Variants in COPS4 observed in about 807,000 individuals in gnomAD.
COPS4 encodes COP9 signalosome complex subunit 4.
Under a neutral mutation model 55.1 loss-of-function variants are expected in COPS4, and 8 were observed. That is an observed-to-expected ratio of 0.15 (90% confidence interval 0.09 to 0.26). The LOEUF is 0.26. COPS4 is among the 10% of genes least tolerant of loss of function. The pLI is 1.00. For synonymous variants in COPS4, 185 were observed against 165.7 expected (o/e 1.12, Z -0.90); for missense variants, 248 against 484.0 (o/e 0.51, Z 4.58).
intron 4 of COPS4, among the ~76,000 whole-genome samples, chr4:83,054,385 G>C (rs1730964625): frequency 6.6e-6 from 1 of 151,786 alleles, no homozygotes. Flanking sequence ...AACTTCATCT[G>C]CTTTTCTACT....
chr4:83,047,972 G>A (rs1165808790), intron 2 of COPS4, among the ~76,000 whole-genome samples: 2 of 150,398 alleles, frequency 1.3e-5, no homozygotes, highest in Non-Finnish European at 2.9e-5. Context: ...CTGCACTCCA[G>A]CCTGGGCGAC....
chr4:83,060,287 C>T (rs1731132462), intron 6 of COPS4, among the ~76,000 whole-genome samples: 1 of 148,934 alleles, frequency 6.7e-6, no homozygotes, highest in African/African-American at 2.5e-5. Flanking sequence ...GGGTTCACGC[C>T]ATTCTCCTGC....
intron 2 of COPS4, among the ~76,000 whole-genome samples, chr4:83,047,966 A>T (rs1321885408): frequency 6.6e-6 from 1 of 151,434 alleles, no homozygotes. Context: ...GTGCCACTGC[A>T]CTCCAGCCTG....
At chr4:83,050,186 T>A (rs28391784) in intron 4 of COPS4, among the ~76,000 whole-genome samples, 1 of 151,912 alleles carries the variant, frequency 6.6e-6, no homozygotes. Flanking sequence ...AATAGGGTGA[T>A]TGGGGTAGTA....
chr4:83,066,093 A>G (rs939601413), intron 7 of COPS4, among the ~76,000 whole-genome samples: 2 of 152,222 alleles, frequency 1.3e-5, no homozygotes, highest in African/African-American at 2.4e-5. Flanking sequence ...CGGAGGTTGC[A>G]GTGAGCAGAG....
chr4:83,059,550 T>C (rs1043107196), intron 6 of COPS4, among the ~76,000 whole-genome samples: 4 of 152,202 alleles, frequency 2.6e-5, no homozygotes, highest in African/African-American at 9.7e-5. Flanking sequence ...CCATTACATA[T>C]AAACATAAAT....
At chr4:83,035,382 T>G in intron 1 of COPS4, 84 bp downstream of exon 1, 2 of 1,193,550 alleles carry the variant, frequency 1.7e-6, no homozygotes, top group Non-Finnish European at 2.3e-6. Flanking sequence ...CCACGGCTCT[T>G]GGGCGTGAAG....
chr4:83,057,692 G>A (rs546478006), intron 6 of COPS4, among the ~76,000 whole-genome samples: 1 of 152,228 alleles, frequency 6.6e-6, no homozygotes, highest in East Asian at 1.9e-4. Flanking sequence ...GGAGGCCGAG[G>A]CGGGTGGATC....
chr4:83,071,881 T>G (rs1022662239), intron 9 of COPS4, among the ~76,000 whole-genome samples: 10 of 149,380 alleles, frequency 6.7e-5, no homozygotes, highest in African/African-American at 2.5e-4. Context: ...CCAGCTAATT[T>G]TTTGTATTTT....
intron 6 of COPS4, among the ~76,000 whole-genome samples, chr4:83,057,784 T>G (rs1338518972): frequency 1.3e-5 from 2 of 151,200 alleles, no homozygotes; most frequent in African/African-American, 4.9e-5. Flanking sequence ...TAGCCGGGCG[T>G]GGTGGCAGGC....
chr4:83,055,179 A>T (rs1368404298), intron 4 of COPS4, among the ~76,000 whole-genome samples: 2 of 152,096 alleles, frequency 1.3e-5, no homozygotes, highest in Non-Finnish European at 2.9e-5. Context: ...AATAGGATTA[A>T]TTTTTCTGTT....
At chr4:83,054,991 TTG>T (rs1310333657) in intron 4 of COPS4, among the ~76,000 whole-genome samples, 1 of 152,206 alleles carries the variant, frequency 6.6e-6, no homozygotes, top group Non-Finnish European at 1.5e-5. Context: ...TAAATTTGAA[TTG>T]TGAATGGAAA....
chr4:83,049,426 A>T (rs994852618), intron 3 of COPS4, 109 bp downstream of exon 3: 5 of 1,017,982 alleles, frequency 4.9e-6, no homozygotes, highest in Non-Finnish European at 6.9e-6. Context: ...CATTTTTGAC[A>T]AAACAGTGTG....
chr4:83,058,941 T>TA (rs1037595792), intron 6 of COPS4, among the ~76,000 whole-genome samples: 1 of 152,254 alleles, frequency 6.6e-6, no homozygotes, highest in African/African-American at 2.4e-5. Context: ...CCTGATTTCT[T>TA]ACACAGGTAT....
rs1364313815 is a variant in COPS4 at position 83,043,129 on chromosome 4, A to G, written c.75-2497A>G. On this transcript the variant is annotated intron_variant, in intron 1 of 9. Coordinates refer to ENST00000264389, the MANE Select transcript of COPS4 (RefSeq NM_016129.3). ...CTATAAGTTATATAATTTGATGAGT[A>G]TAAAACTTTGATCACTTTTTAGGTT... Among the ~76,000 whole-genome samples, 7 of 152,292 alleles carry G rather than the reference A, an allele frequency of 4.6e-5. No homozygotes were observed. The East Asian group carries it at 1.2e-3, about 25-fold the overall frequency.
At chr4:83,059,496 T>C (rs1731104050) in intron 6 of COPS4, among the ~76,000 whole-genome samples, 1 of 152,158 alleles carries the variant, frequency 6.6e-6, no homozygotes, top group South Asian at 2.1e-4. Flanking sequence ...AAATGAGTAA[T>C]TTAAGACAAT....
intron 7 of COPS4, among the ~76,000 whole-genome samples, chr4:83,063,552 C>T (rs574465543): frequency 3.6e-4 from 54 of 151,418 alleles, no homozygotes; most frequent in African/African-American, 1.1e-3. Context: ...GGACTACAGG[C>T]GCCCGCCACC....
chr4:83,048,743 G>A (rs1034143292), intron 2 of COPS4, among the ~76,000 whole-genome samples: 2 of 152,112 alleles, frequency 1.3e-5, no homozygotes, highest in South Asian at 4.1e-4. Flanking sequence ...CCAGGTTCAA[G>A]CGATTCTCTT....
At chr4:83,048,147 A>G (rs1199446671) in intron 2 of COPS4, among the ~76,000 whole-genome samples, 1 of 152,240 alleles carries the variant, frequency 6.6e-6, no homozygotes, top group Non-Finnish European at 1.5e-5. Context: ...CTTTGTGTAT[A>G]TTATTGCATT....
Sources: allele counts gnomAD v4.1 joint callset (sites outside exome capture counted in the v4.1 genomes callset), GRCh38; gene constraint gnomAD v4.1.1; transcripts MANE v1.5; gene names NCBI Gene and HGNC (gene_info 2026-07-23, HGNC 2026-07-21).